The following RAB20 variants were observed in gnomAD, a reference collection of about 807,000 sequenced individuals.
RAB20 encodes the protein ras-related protein Rab-20.
RAB20 carries 2 observed loss-of-function variants against 3.7 expected under a neutral mutation model. The ratio of observed to expected loss-of-function variants is 0.54; its 90% CI spans 0.22 to 1.69. The LOEUF (loss-of-function observed/expected upper bound fraction) is 1.69, where lower values mean the gene tolerates loss of function less well. Ranked by LOEUF, RAB20 falls within the 40% of genes most tolerant of loss-of-function variation. The pLI, the probability that RAB20 is intolerant of heterozygous loss-of-function variation, is 0.19. For synonymous variants in RAB20, 126 were observed against 130.8 expected (o/e 0.96, Z 0.25); for missense variants, 276 against 311.9 (o/e 0.88, Z 0.87).
chr13:110,527,287 A>G (rs565467064), intron 1 of RAB20, among the ~76,000 whole-genome samples: 1 of 152,162 alleles, frequency 6.6e-6, no homozygotes, highest in Non-Finnish European at 1.5e-5. Flanking sequence ...ACAGAGACAC[A>G]CACTCATGTC....
At chr13:110,547,443 G>C (rs531905661) in intron 1 of RAB20, among the ~76,000 whole-genome samples, 1 of 152,298 alleles carries the variant, frequency 6.6e-6, no homozygotes, top group Non-Finnish European at 1.5e-5. Context: ...GGTGCAGCAG[G>C]ACTTTTCTAG....
At chr13:110,539,209 G>C in intron 1 of RAB20, among the ~76,000 whole-genome samples, 1 of 152,132 alleles carries the variant, frequency 6.6e-6, no homozygotes, top group East Asian at 1.9e-4. Context: ...CAAAAACATA[G>C]CTGTGCTTTA....
rs77968088 is a variant in RAB20 at position 110,532,627 on chromosome 13, T to C, written c.173-8430A>G. ...CCTGACCTCAAGTGATCCACCCACC[T>C]TGGACTCCCAAAATGCTGGGATTAC... On this transcript the variant is annotated intron_variant, in intron 1 of 1. Coordinates refer to ENST00000267328, the MANE Select transcript of RAB20 (RefSeq NM_017817.3). Among the ~76,000 whole-genome samples, 243 of 152,098 alleles carry C rather than the reference T, an allele frequency of 1.6e-3. 4 individuals carry two copies. The East Asian group carries it at 0.016, about 10-fold the overall frequency.
At chr13:110,553,095 A>G (rs955261895) in intron 1 of RAB20, among the ~76,000 whole-genome samples, 1 of 152,212 alleles carries the variant, frequency 6.6e-6, no homozygotes, top group African/African-American at 2.4e-5. Flanking sequence ...GCTGGTCAAT[A>G]AAGCAGAGGG....
intron 1 of RAB20, among the ~76,000 whole-genome samples, chr13:110,527,241 T>C (rs1302222782): frequency 2.0e-5 from 3 of 152,038 alleles, no homozygotes; most frequent in African/African-American, 7.2e-5. Context: ...TGAGGCAGGC[T>C]GGTCACCCCT....
At chr13:110,538,963 G>A (rs1459099497) in intron 1 of RAB20, among the ~76,000 whole-genome samples, 3 of 152,152 alleles carry the variant, frequency 2.0e-5, no homozygotes, top group Non-Finnish European at 4.4e-5. Context: ...TCCAGCAGCC[G>A]GATATGACTG....
intron 1 of RAB20, among the ~76,000 whole-genome samples, chr13:110,540,855 T>C (rs568818096): frequency 6.6e-6 from 1 of 152,216 alleles, no homozygotes; most frequent in African/African-American, 2.4e-5. Context: ...CAAAATAGTG[T>C]CTACAAAGAA....
chr13:110,541,236 G>A (rs985960295), intron 1 of RAB20, among the ~76,000 whole-genome samples: 2 of 152,192 alleles, frequency 1.3e-5, no homozygotes, highest in African/African-American at 2.4e-5. Flanking sequence ...CTCAAGCAGT[G>A]AAAGCTGACC....
chr13:110,561,533 C>T lies in RAB20; in HGVS notation c.-14G>A, dbSNP rs749441452. 6.5e-7 allele frequency: 1 copy of T among 1,544,858 alleles called. No homozygotes were observed. The highest frequency in any genetic ancestry group is 8.7e-7 in the Non-Finnish European group (1 of 1,145,824). On this transcript the variant is annotated 5_prime_UTR_variant, in exon 1 of 2. Coordinates refer to ENST00000267328, the MANE Select transcript of RAB20 (RefSeq NM_017817.3). ...GGGCTTCCTCATCTTCCCGTAAGAA[C>T]CCCCAGCGCCCCCGCGCCCTCTCCC... is the stretch of plus-strand genomic sequence containing the variant.
intron 1 of RAB20, among the ~76,000 whole-genome samples, chr13:110,554,212 TA>T (rs1885001764): frequency 1.3e-5 from 2 of 152,226 alleles, no homozygotes; most frequent in African/African-American, 4.8e-5. Context: ...TCAAGGCTTT[TA>T]AAAAATGTGC....
intron 1 of RAB20, among the ~76,000 whole-genome samples, chr13:110,553,979 AG>A (rs1884998526): frequency 6.6e-6 from 1 of 152,118 alleles, no homozygotes; most frequent in African/African-American, 2.4e-5. Context: ...TTTTTAAATA[AG>A]GGTGCACACC....
intron 1 of RAB20, among the ~76,000 whole-genome samples, chr13:110,531,333 G>C (rs183839251): frequency 5.9e-5 from 9 of 152,358 alleles, no homozygotes; most frequent in Admixed American, 3.9e-4. Context: ...ACAGAGCACA[G>C]GCATTTGCAG....
chr13:110,525,551 TG>T, intron 1 of RAB20, among the ~76,000 whole-genome samples: 1 of 152,234 alleles, frequency 6.6e-6, no homozygotes, highest in Non-Finnish European at 1.5e-5. Context: ...AGGAACTTTC[TG>T]GCAGAATTCT....
chr13:110,551,158 G>C (rs1884944917), intron 1 of RAB20, among the ~76,000 whole-genome samples: 2 of 152,192 alleles, frequency 1.3e-5, no homozygotes, highest in African/African-American at 4.8e-5. Flanking sequence ...AAAACTCCAA[G>C]TGAGTAAAAC....
chr13:110,534,998 T>TAAA lies in RAB20; in HGVS notation c.173-10802_173-10801insTTT, dbSNP rs1884615040. On this transcript the variant is annotated intron_variant, in intron 1 of 1. Transcript: ENST00000267328. ...ACAGGTGTGTACCACCACGCCTGGC[T>TAAA]AATTTTTTAATTTTTAGTAGAGATG... Among the ~76,000 whole-genome samples the TAAA allele has an allele frequency of 2.4e-5, 3 of 124,278 alleles. No homozygotes were observed. The South Asian group carries it at 7.5e-4, about 31-fold the overall frequency. The allele number at this position is 124,278 out of a possible 152,430, so 81.5% of individuals were successfully genotyped here.
rs370863452 is a variant in RAB20 at position 110,524,158 on chromosome 13, C to T, written c.212G>A (p.Arg71Gln). Residue 71 changes from arginine (R) to glutamine (Q), a missense_variant, in exon 2 of 2, where the codon CGG (arginine) becomes CAG (glutamine). By Grantham distance (43) the Arg-to-Gln change is conservative. Coordinates refer to ENST00000267328, the MANE Select transcript of RAB20 (RefSeq NM_017817.3). ...QFHGLGSMYC[R>Q]GAAAIILTYD... ...GGTGAGGATGATGGCGGCCGCCCCC[C>T]GGCAGTACATGGAGCCCAGGCCGTG... The T allele has an allele frequency of 9.3e-6, 15 of 1,604,948 alleles. No individual in the cohort carries two copies. The highest frequency in any genetic ancestry group is 6.7e-5 in the African/African-American group (5 of 74,918).
At chr13:110,525,830 T>C (rs1884420205) in intron 1 of RAB20, among the ~76,000 whole-genome samples, 1 of 152,230 alleles carries the variant, frequency 6.6e-6, no homozygotes, top group Admixed American at 6.5e-5. Flanking sequence ...AGCATGCACC[T>C]TGGCCCCCAC....
At chr13:110,525,579 C>T (rs2139572621) in intron 1 of RAB20, among the ~76,000 whole-genome samples, 1 of 152,344 alleles carries the variant, frequency 6.6e-6, no homozygotes, top group Non-Finnish European at 1.5e-5. Context: ...CTGTCTGTAG[C>T]ACAAGCTTTC....
intron 1 of RAB20, among the ~76,000 whole-genome samples, chr13:110,531,287 G>C (rs531782656): frequency 6.6e-6 from 1 of 152,348 alleles, no homozygotes; most frequent in African/African-American, 2.4e-5. Context: ...GTGGGCTGCT[G>C]GGCAGGAGAA....
Sources: allele counts gnomAD v4.1 joint callset (sites outside exome capture counted in the v4.1 genomes callset), GRCh38; gene constraint gnomAD v4.1.1; transcripts MANE v1.5; gene names NCBI Gene and HGNC (gene_info 2026-07-23, HGNC 2026-07-21).